Variants in MRTFA observed in about 807,000 individuals in gnomAD.
MRTFA encodes myocardin related transcription factor A.
A neutral mutation model predicts 83.5 loss-of-function variants in MRTFA; 20 were observed. The ratio of observed to expected loss-of-function variants is 0.24; its 90% CI spans 0.17 to 0.35. MRTFA has a LOEUF of 0.35. Ranked by LOEUF, MRTFA falls within the 10% of genes least tolerant of loss-of-function variation. The pLI, the probability that MRTFA is intolerant of heterozygous loss-of-function variation, is 1.00. For synonymous variants in MRTFA, 659 were observed against 541.2 expected, an observed-to-expected ratio of 1.22 and a Z score of -3.02; for missense variants, 1,200 against 1,224.7, an observed-to-expected ratio of 0.98 and a Z score of 0.30.
chr22:40,459,830 C>CACAT (rs71296624), intron 4 of MRTFA, among the ~76,000 whole-genome samples: 2 of 86,944 alleles, frequency 2.3e-5, no homozygotes, highest in East Asian at 6.5e-4. Flanking sequence ...CACATATATA[C>CACAT]ATATATATAT....
intron 2 of MRTFA, among the ~76,000 whole-genome samples, chr22:40,555,904 G>A (rs2055515701): frequency 6.6e-6 from 1 of 152,004 alleles, no homozygotes; most frequent in South Asian, 2.1e-4. Flanking sequence ...CTCCCAAAGT[G>A]CTGGGATTAC....
chr22:40,545,636 T>C (rs2055351319), intron 3 of MRTFA, among the ~76,000 whole-genome samples: 1 of 151,782 alleles, frequency 6.6e-6, no homozygotes, highest in Non-Finnish European at 1.5e-5. Context: ...TTTCACCATG[T>C]TGGCCAGGCT....
chr22:40,585,583 C>T (rs1157831719), intron 2 of MRTFA, among the ~76,000 whole-genome samples: 1 of 152,086 alleles, frequency 6.6e-6, no homozygotes, highest in Admixed American at 6.6e-5. Context: ...TGTATTTTAA[C>T]ACAATAAATG....
At chr22:40,581,923 T>C (rs1001779616) in intron 2 of MRTFA, among the ~76,000 whole-genome samples, 1 of 152,202 alleles carries the variant, frequency 6.6e-6, no homozygotes, top group Non-Finnish European at 1.5e-5. Context: ...TACTGGTATA[T>C]AATTCACATA....
intron 11 of MRTFA, 91 bp downstream of exon 11, chr22:40,420,314 G>T (rs2147072046): frequency 2.1e-6 from 3 of 1,454,810 alleles, no homozygotes; most frequent in African/African-American, 2.8e-5. Flanking sequence ...TCCTAGGCTG[G>T]CTGCCTTCCC....
chr22:40,538,990 GTTT>G (rs1329210578), intron 3 of MRTFA, among the ~76,000 whole-genome samples: 1 of 119,326 alleles, frequency 8.4e-6, no homozygotes, highest in Admixed American at 9.5e-5. Context: ...ACAGCCTTTT[GTTT>G]TTTTTTTTTT....
At chr22:40,586,902 GGT>G in intron 2 of MRTFA, 1 of 434,168 alleles carries the variant, frequency 2.3e-6, no homozygotes, top group African/African-American at 2.0e-5. Flanking sequence ...TGGTGCTGCT[GGT>G]GCTGCTGGTG....
chr22:40,426,105 G>T (rs962696334), intron 7 of MRTFA, among the ~76,000 whole-genome samples: 1 of 152,094 alleles, frequency 6.6e-6, no homozygotes, highest in Non-Finnish European at 1.5e-5. Flanking sequence ...AGGAAGGGTG[G>T]GATGGGGAGC....
At chr22:40,483,238 A>AT (rs775025763) in intron 3 of MRTFA, among the ~76,000 whole-genome samples, 190 of 151,926 alleles carry the variant, frequency 1.3e-3, no homozygotes, top group Non-Finnish European at 1.9e-3. Context: ...TTTTAAAAAA[A>AT]TTTTTTTGTA....
At chr22:40,484,485 T>G (rs1331113213) in intron 3 of MRTFA, among the ~76,000 whole-genome samples, 3 of 152,132 alleles carry the variant, frequency 2.0e-5, no homozygotes, top group Non-Finnish European at 2.9e-5. Flanking sequence ...CCAGGTTTAG[T>G]AAAGACTTTT....
At chr22:40,559,481 A>T (rs2055582302) in intron 2 of MRTFA, among the ~76,000 whole-genome samples, 1 of 152,178 alleles carries the variant, frequency 6.6e-6, no homozygotes, top group African/African-American at 2.4e-5. Context: ...GTGCAATGGA[A>T]TGATCATAGC....
At chr22:40,533,508 A>T in intron 3 of MRTFA, 1 of 849,332 alleles carries the variant, frequency 1.2e-6, no homozygotes, top group Non-Finnish European at 1.6e-6. Context: ...AATATGACCC[A>T]TTTTTTTTAA....
chr22:40,519,718 A>G lies in MRTFA; in HGVS notation c.241+32388T>C, dbSNP rs1451894253. ...CCACTCATGGGTTCTGAAAAGCACAATAATGGAGTCAGGCTAGTACAAACG... is the reference window on the plus strand; with the variant it reads ...CCACTCATGGGTTCTGAAAAGCACAGTAATGGAGTCAGGCTAGTACAAACG... On this transcript the variant is annotated intron_variant, in intron 3 of 14. Transcript: ENST00000355630. The G allele has an allele frequency of 6.9e-6, 5 of 727,152 alleles. No homozygotes were observed. The African/African-American group carries it at 7.4e-5, about 11-fold the overall frequency. 45.0% of individuals were successfully genotyped at this position (727,152 alleles called of 1,614,324 possible).
rs746953418 is a variant in MRTFA at position 40,418,354 on chromosome 22, T to A, written c.2364+20A>T. The A allele has an allele frequency of 1.4e-5, 23 of 1,610,126 alleles. No individual in the cohort carries two copies. Among genetic ancestry groups the A allele is most frequent in the Non-Finnish European group, 1.9e-5 (22 of 1,178,364 alleles). ...CCACCCTCCTCTGGGCCCTGCCCGG[T>A]TCCTCCCATACCCAGGTACCTGCTG... On this transcript the variant is annotated intron_variant, in intron 12 of 14. Coordinates refer to ENST00000355630, the MANE Select transcript of MRTFA (RefSeq NM_020831.6).
intron 4 of MRTFA, among the ~76,000 whole-genome samples, chr22:40,457,463 A>AAAGG (rs2053610524): frequency 6.6e-6 from 1 of 150,822 alleles, no homozygotes. Context: ...AGAAAGAAAG[A>AAAGG]AAGAAAGAAA....
intron 1 of MRTFA, among the ~76,000 whole-genome samples, chr22:40,626,300 T>C (rs2056581102): frequency 1.3e-5 from 2 of 151,962 alleles, no homozygotes; most frequent in Admixed American, 6.6e-5. Flanking sequence ...TTTACTCGTT[T>C]TTTTTGAGAT....
chr22:40,589,788 GGAGGCC>G (rs1320302695), intron 2 of MRTFA, among the ~76,000 whole-genome samples: 1 of 152,100 alleles, frequency 6.6e-6, no homozygotes, highest in African/African-American at 2.4e-5. Context: ...CAGCACTTTG[GGAGGCC>G]GAGGCAGGCG....
intron 3 of MRTFA, among the ~76,000 whole-genome samples, chr22:40,471,514 A>G (rs1407361700): frequency 6.6e-6 from 1 of 152,220 alleles, no homozygotes; most frequent in Non-Finnish European, 1.5e-5. Context: ...AAGTAAGGAG[A>G]CTGAAATAGT....
intron 3 of MRTFA, among the ~76,000 whole-genome samples, chr22:40,535,352 T>TTC (rs1555998652): frequency 5.4e-5 from 7 of 130,710 alleles, no homozygotes; most frequent in Admixed American, 1.5e-4. Context: ...TTTTTTCTTT[T>TTC]TTTTTTTTTT....
Sources: gnomAD v4.1 joint callset for allele counts (sites outside exome capture counted in the v4.1 genomes callset) on GRCh38, gnomAD v4.1.1 for gene constraint, MANE v1.5 for transcripts, NCBI Gene and HGNC (gene_info 2026-07-23, HGNC 2026-07-21) for gene names.